ABL2: variants seen among roughly 807,000 people sequenced by gnomAD.
The protein encoded by ABL2 is ABL proto-oncogene 2, non-receptor tyrosine kinase.
A neutral mutation model predicts 107.7 loss-of-function variants in ABL2; 49 were observed. That is an observed-to-expected ratio of 0.45 (90% confidence interval 0.36 to 0.58). The LOEUF (loss-of-function observed/expected upper bound fraction) is 0.58. ABL2 is among the 20% of genes least tolerant of loss of function. ABL2 has a pLI of 0.00. For missense variants in ABL2, 1,245 were observed against 1,457.0 expected (o/e 0.85, Z 2.37); for synonymous variants, 549 against 548.6 (o/e 1.00, Z -0.01).
At chr1:179,226,963 C>T (rs1251448805) in intron 1 of ABL2, among the ~76,000 whole-genome samples, 1 of 152,126 alleles carries the variant, frequency 6.6e-6, no homozygotes, top group Non-Finnish European at 1.5e-5. Flanking sequence ...CAATCCAGTA[C>T]ATAACAGGTG....
intron 3 of ABL2, among the ~76,000 whole-genome samples, chr1:179,130,296 C>T (rs879451492): frequency 2.6e-5 from 4 of 152,228 alleles, no homozygotes; most frequent in South Asian, 2.1e-4. Context: ...GACCTCACTG[C>T]TACTCAGAAT....
chr1:179,178,810 T>C (rs1001196204), intron 1 of ABL2, among the ~76,000 whole-genome samples: 1 of 151,910 alleles, frequency 6.6e-6, no homozygotes, highest in Non-Finnish European at 1.5e-5. Context: ...AGTAGGAGAA[T>C]TGCTTGAACC....
intron 1 of ABL2, among the ~76,000 whole-genome samples, chr1:179,218,520 C>T (rs924008509): frequency 6.6e-6 from 1 of 152,194 alleles, no homozygotes; most frequent in African/African-American, 2.4e-5. Flanking sequence ...CCTCAGCCTC[C>T]CGAGTAGCTG....
At chr1:179,130,817 T>C (rs369971058) in intron 3 of ABL2, among the ~76,000 whole-genome samples, 4 of 151,344 alleles carry the variant, frequency 2.6e-5, no homozygotes, top group African/African-American at 7.3e-5. Flanking sequence ...GAGAAAGAAA[T>C]AGGATTATGG....
intron 1 of ABL2, among the ~76,000 whole-genome samples, chr1:179,186,065 C>T (rs12132268): frequency 0.094 from 14,329 of 151,818 alleles, 712 homozygotes; most frequent in African/African-American, 0.12. Context: ...GACAACATGA[C>T]GAAACCCTGT....
rs185583542 is a variant in ABL2 at position 179,110,287 on chromosome 1, G to T, written c.1820C>A (p.Ala607Glu). ...ACCTGCTAAGGGACCCATACCTGGT[G>T]CTAAACTGGAAGCAGAATTTTCTGT... ...DATENSASSL[A>E]PGFIRGAQAS... Residue 607 changes from alanine (A) to glutamate (E), a missense_variant, in exon 11 of 12, where the codon GCA becomes GAA. Around this residue, in one of 3 missense-constraint regions of ABL2, gnomAD observed 761 missense variants for 766.4 expected, o/e 0.99. Coordinates refer to ENST00000502732, the MANE Select transcript of ABL2 (RefSeq NM_007314.4). The T allele has an allele frequency of 6.2e-7, 1 of 1,614,192 alleles. No homozygotes were observed. Among genetic ancestry groups the T allele is most frequent in the Admixed American group, 1.7e-5 (1 of 60,012 alleles).
Position 179,201,292 on chromosome 1 carries a change from C to T in ABL2, c.157+27949G>A, listed in dbSNP as rs144435644. 8.5e-3 allele frequency among the ~76,000 whole-genome samples: 1,293 copies of T among 152,286 alleles called. 46 individuals carry two copies. The highest frequency in any genetic ancestry group is 0.057 in the Admixed American group (873 of 15,292). ...TGTTTTTCTATTCAAAATGCACCCC[C>T]ATTTCCTGTCACTTTAACTAAAATT... On this transcript the variant is annotated intron_variant, in intron 1 of 11. Coordinates refer to ENST00000502732, the MANE Select transcript of ABL2 (RefSeq NM_007314.4).
chr1:179,147,827 C>T (rs1658107154), intron 1 of ABL2, among the ~76,000 whole-genome samples: 1 of 152,250 alleles, frequency 6.6e-6, no homozygotes, highest in Non-Finnish European at 1.5e-5. Flanking sequence ...TGCACTTGTA[C>T]CCTCCAAATC....
At chr1:179,148,343 C>T (rs182333970) in intron 1 of ABL2, among the ~76,000 whole-genome samples, 3 of 152,254 alleles carry the variant, frequency 2.0e-5, no homozygotes, top group Admixed American at 1.3e-4. Flanking sequence ...ACCTGGCTAG[C>T]ACCATTTTTC....
chr1:179,206,481 T>G (rs1661972999), intron 1 of ABL2, among the ~76,000 whole-genome samples: 4 of 143,926 alleles, frequency 2.8e-5, no homozygotes. Flanking sequence ...ATCCACACAA[T>G]GAAATGCTAT....
chr1:179,147,729 A>G (rs1557955503), intron 1 of ABL2, among the ~76,000 whole-genome samples: 2 of 152,158 alleles, frequency 1.3e-5, no homozygotes, highest in African/African-American at 4.8e-5. Flanking sequence ...AATACTACCT[A>G]TTGGGTCCCA....
intron 1 of ABL2, among the ~76,000 whole-genome samples, chr1:179,226,310 CT>C (rs745831850): frequency 3.3e-3 from 435 of 130,998 alleles, no homozygotes; most frequent in African/African-American, 5.0e-3. Flanking sequence ...ATTATCCCTA[CT>C]TTTTTTTTTT....
chr1:179,126,004 G>C lies in ABL2; in HGVS notation c.687+373C>G, dbSNP rs1655690628. On this transcript the variant is annotated intron_variant, in intron 4 of 11. Transcript: ENST00000502732. The surrounding 1 kb of genome is among the most constrained non-coding windows in gnomAD (Gnocchi z 4.4). Reference sequence around the variant, plus strand: ...TCAAAAGTCTAAATTCTTACTCTGTGAACTTTCTGGTAGATATTATTCTAA... The same window carrying C: ...TCAAAAGTCTAAATTCTTACTCTGTCAACTTTCTGGTAGATATTATTCTAA... Among the ~76,000 whole-genome samples the C allele has an allele frequency of 6.6e-6, 1 of 152,130 alleles. No individual in the cohort carries two copies. The highest frequency in any genetic ancestry group is 2.4e-5 in the African/African-American group (1 of 41,432).
At chr1:179,195,386 G>A (rs949944683) in intron 1 of ABL2, among the ~76,000 whole-genome samples, 1 of 152,162 alleles carries the variant, frequency 6.6e-6, no homozygotes, top group Non-Finnish European at 1.5e-5. Context: ...AACAAATGTT[G>A]GTGAGGGTAT....
At chr1:179,164,840 A>G (rs1460568257) in intron 1 of ABL2, among the ~76,000 whole-genome samples, 1 of 152,226 alleles carries the variant, frequency 6.6e-6, no homozygotes, top group Non-Finnish European at 1.5e-5. Flanking sequence ...CATGAGATAC[A>G]TTCCAAGACC....
intron 1 of ABL2, chr1:179,142,869 C>A: frequency 6.4e-7 from 1 of 1,556,218 alleles, no homozygotes; most frequent in Non-Finnish European, 8.7e-7. Context: ...TTTTTGAAAT[C>A]TTCATTCACA....
At chr1:179,151,838 G>GT (rs1174619711) in intron 1 of ABL2, among the ~76,000 whole-genome samples, 11 of 152,048 alleles carry the variant, frequency 7.2e-5, no homozygotes, top group African/African-American at 2.4e-4. Flanking sequence ...ACAAACCATT[G>GT]TAACTATCTA....
At chr1:179,116,508 TTTC>T (rs1324424001) in intron 8 of ABL2, among the ~76,000 whole-genome samples, 2 of 151,746 alleles carry the variant, frequency 1.3e-5, no homozygotes, top group Non-Finnish European at 2.9e-5. Flanking sequence ...AACTTTCTTC[TTTC>T]TTTTTTTTTT....
At chr1:179,195,796 C>A (rs1414215251) in intron 1 of ABL2, among the ~76,000 whole-genome samples, 1 of 152,120 alleles carries the variant, frequency 6.6e-6, no homozygotes, top group Non-Finnish European at 1.5e-5. Context: ...AGGGCAAATA[C>A]TATATGATTC....
Sources: allele counts gnomAD v4.1 joint callset (sites outside exome capture counted in the v4.1 genomes callset), GRCh38; gene constraint gnomAD v4.1.1; regional missense constraint gnomAD v4.1.1; non-coding constraint Gnocchi (gnomAD v3.1); transcripts MANE v1.5; gene names NCBI Gene and HGNC (gene_info 2026-07-23, HGNC 2026-07-21).